The following SYCP2 variants were observed in gnomAD, a reference collection of about 807,000 sequenced individuals.
SYCP2 encodes the protein synaptonemal complex protein 2, also known as synaptonemal complex lateral element protein.
Under a neutral mutation model 211.3 loss-of-function variants are expected in SYCP2, and 55 were observed. The ratio of observed to expected loss-of-function variants is 0.26; its 90% CI spans 0.21 to 0.33. SYCP2 has a LOEUF of 0.33. SYCP2 is among the 10% of genes least tolerant of loss of function. The pLI is 1.00. For synonymous variants in SYCP2, 570 were observed against 555.2 expected, an observed-to-expected ratio of 1.03 and a Z score of -0.37; for missense variants, 1,731 against 1,752.0, an observed-to-expected ratio of 0.99 and a Z score of 0.21.
chr20:59,882,131 T>A lies in SYCP2; in HGVS notation c.2564A>T (p.Lys855Met), dbSNP rs879211369. 6.2e-7 allele frequency: 1 copy of A among 1,613,028 alleles called. No individual in the cohort carries two copies. The change falls in exon 27 of 45, where the codon AAG becomes ATG. Residue 855 changes from lysine to methionine, a missense_variant. Lys to Met is a moderately conservative substitution (Grantham distance 95). This residue lies in a region of SYCP2 where 1,387 missense variants were observed against 1,351.3 expected (regional missense o/e 1.03). Coordinates refer to ENST00000357552, the MANE Select transcript of SYCP2 (RefSeq NM_014258.4). ...KVQKKSYRKL[K>M]TTFVNVTSEC... is the part of the protein sequence containing the mutation. ...AGAAGTAACATTAACAAAGGTAGTCTTCAGTTTTCTGTAGCTTTTTTTCTG... is the reference window on the plus strand; with the variant it reads ...AGAAGTAACATTAACAAAGGTAGTCATCAGTTTTCTGTAGCTTTTTTTCTG...
At position 59,882,107 on chromosome 20, in the gene SYCP2, G is replaced by C. The variant is rs1158871021; in HGVS notation, c.2588C>G (p.Ser863Cys). ...KLKTTFVNVT[S>C]ECPVNDVYNF... is the part of the protein sequence containing the mutation. ...AAAAAATACTTACACTGGGCATTCA[G>C]AAGTAACATTAACAAAGGTAGTCTT... The change falls in exon 27 of 45, where the codon TCT becomes TGT. Residue 863 changes from serine (S) to cysteine (C), a missense_variant. Transcript: ENST00000357552. 1 of 1,612,870 alleles carries C rather than the reference G, an allele frequency of 6.2e-7. No homozygotes were observed. The highest frequency in any genetic ancestry group is 2.2e-5 in the East Asian group (1 of 44,800).
intron 26 of SYCP2, among the ~76,000 whole-genome samples, chr20:59,883,739 T>C (rs1048119898): frequency 1.3e-4 from 19 of 151,952 alleles, no homozygotes; most frequent in African/African-American, 4.6e-4. Context: ...GGATACAAAG[T>C]TGCAGATATG....
chr20:59,915,308 C>G lies in SYCP2; in HGVS notation c.600-109G>C, dbSNP rs145857614. The G allele has an allele frequency of 1.7e-3, 1,726 of 1,041,128 alleles. 25 individuals are homozygous for G. The African/African-American group carries it at 0.025, about 15-fold the overall frequency. 64.5% of individuals were successfully genotyped at this position (1,041,128 alleles called of 1,614,324 possible). ...ACAAAAATTTACAATTGGCTAATATCATCGACTTTTGCAGAAATTATATGC... is the reference window on the plus strand; with the variant it reads ...ACAAAAATTTACAATTGGCTAATATGATCGACTTTTGCAGAAATTATATGC... On this transcript the variant is annotated intron_variant, in intron 9 of 44. Coordinates refer to ENST00000357552, the MANE Select transcript of SYCP2 (RefSeq NM_014258.4).
chr20:59,925,074 C>G (rs1387823930), intron 2 of SYCP2, among the ~76,000 whole-genome samples: 1 of 151,960 alleles, frequency 6.6e-6, no homozygotes, highest in Non-Finnish European at 1.5e-5. Flanking sequence ...TCTTCATGAC[C>G]TGCAATAAGC....
At chr20:59,914,660 A>G (rs1206019824) in intron 10 of SYCP2, among the ~76,000 whole-genome samples, 2 of 152,000 alleles carry the variant, frequency 1.3e-5, no homozygotes, top group Non-Finnish European at 2.9e-5. Flanking sequence ...GTAAATCACC[A>G]TATTAAAATT....
At chr20:59,906,611 G>T (rs2060218198) in intron 15 of SYCP2, among the ~76,000 whole-genome samples, 1 of 152,112 alleles carries the variant, frequency 6.6e-6, no homozygotes, top group Admixed American at 6.5e-5. Context: ...AAAAATAATA[G>T]AACATCTTAG....
Position 59,867,405 on chromosome 20 carries a change from C to T in SYCP2, c.4125+306G>A, listed in dbSNP as rs74874327. Reference sequence around the variant, plus strand: ...ACTATACTATCTTCATTAATGCTCACCTAAATGACATAAAAAATGTCTTGA... The same window carrying T: ...ACTATACTATCTTCATTAATGCTCATCTAAATGACATAAAAAATGTCTTGA... On this transcript the variant is annotated intron_variant, in intron 39 of 44. Coordinates refer to ENST00000357552, the MANE Select transcript of SYCP2 (RefSeq NM_014258.4). Among the ~76,000 whole-genome samples the T allele has an allele frequency of 9.4e-4, 140 of 149,640 alleles. No individual in the cohort carries two copies. The East Asian group carries it at 0.022, about 23-fold the overall frequency.
chr20:59,932,719 T>C (rs1436475324), intron 1 of SYCP2, among the ~76,000 whole-genome samples: 1 of 151,362 alleles, frequency 6.6e-6, no homozygotes, highest in East Asian at 2.0e-4. Context: ...TATTCGCAGA[T>C]GCTCGGCCAG....
chr20:59,898,056 G>A (rs926240926), intron 18 of SYCP2, among the ~76,000 whole-genome samples: 3 of 152,126 alleles, frequency 2.0e-5, no homozygotes, highest in African/African-American at 4.8e-5. Context: ...GGAGGCGGAG[G>A]TTGCAGTGAG....
intron 32 of SYCP2, 36 bp downstream of exon 32, chr20:59,877,966 ATAATTT>A: frequency 6.7e-7 from 1 of 1,497,206 alleles, no homozygotes; most frequent in Non-Finnish European, 9.1e-7. Flanking sequence ...GCAAGAAAAA[ATAATTT>A]TAAAGGGATG....
chr20:59,893,644 C>A, intron 20 of SYCP2, 51 bp from the exon 21 acceptor site: 1 of 1,389,550 alleles, frequency 7.2e-7, no homozygotes. Flanking sequence ...TATATGAAAA[C>A]CTAAATGTTA....
At chr20:59,887,478 A>G (rs1022366667) in intron 24 of SYCP2, among the ~76,000 whole-genome samples, 10 of 152,184 alleles carry the variant, frequency 6.6e-5, no homozygotes, top group Non-Finnish European at 1.5e-4. Context: ...GTGTCTTTAT[A>G]GCAGCATTAT....
Position 59,864,353 on chromosome 20 carries a change from C to T in SYCP2, c.4551G>A (p.Leu1517=). 1.2e-6 allele frequency: 2 copies of T among 1,606,128 alleles called. No homozygotes were observed. The highest frequency in any genetic ancestry group is 1.7e-6 in the Non-Finnish European group (2 of 1,176,368). The change falls in exon 45 of 45, where the codon CTG becomes CTA. Residue 1517 remains leucine (L), a synonymous_variant. Coordinates refer to ENST00000357552, the MANE Select transcript of SYCP2 (RefSeq NM_014258.4). ...EEELLNVRRE[L]MSVFMSHERN... Reference sequence around the variant, plus strand: ...TTTCATGAGACATGAATACTGACATCAGTTCTCTGCGTACATTAAGAAGCT... The same window carrying T: ...TTTCATGAGACATGAATACTGACATTAGTTCTCTGCGTACATTAAGAAGCT...
rs761093734 is a variant in SYCP2 at position 59,868,531 on chromosome 20, T to A, written c.3870A>T (p.Ile1290=). The A allele has an allele frequency of 2.5e-6, 4 of 1,609,546 alleles. No homozygotes were observed. In the South Asian group the frequency reaches 4.4e-5, roughly 18 times the overall value. ...TQHLSRKRIY[I]EDNLSNSNEV... ...CATTGGAATTACTTAGATTATCTTC[T>A]ATATATATTCTTTTGCGACTAAGAT... The change falls in exon 38 of 45, where the codon ATA becomes ATT. Residue 1290 remains isoleucine, a synonymous_variant. Coordinates refer to ENST00000357552, the MANE Select transcript of SYCP2 (RefSeq NM_014258.4).
At chr20:59,924,684 TAA>T (rs1315946504) in intron 2 of SYCP2, among the ~76,000 whole-genome samples, 2 of 148,152 alleles carry the variant, frequency 1.3e-5, no homozygotes, top group African/African-American at 4.8e-5. Flanking sequence ...TATTATATTT[TAA>T]GAGATATACC....
At chr20:59,866,654 T>A in intron 39 of SYCP2, 65 bp from the exon 40 acceptor site, 1 of 1,018,984 alleles carries the variant, frequency 9.8e-7, no homozygotes, top group Non-Finnish European at 1.4e-6. Flanking sequence ...AAGACTACAG[T>A]AACAGCAAAT....
At chr20:59,921,839 G>GA (rs2060547329) in intron 3 of SYCP2, among the ~76,000 whole-genome samples, 1 of 151,082 alleles carries the variant, frequency 6.6e-6, no homozygotes, top group Non-Finnish European at 1.5e-5. Context: ...AAATAGTAAA[G>GA]AAAAAAATAC....
chr20:59,895,315 G>GT (rs2059985983), intron 20 of SYCP2, 122 bp downstream of exon 20: 1 of 740,272 alleles, frequency 1.4e-6, no homozygotes, highest in African/African-American at 1.8e-5. Flanking sequence ...AATATTTAGG[G>GT]GAAAAAAGGT....
intron 31 of SYCP2, among the ~76,000 whole-genome samples, chr20:59,879,702 A>T (rs1316424644): frequency 6.6e-6 from 1 of 150,752 alleles, no homozygotes; most frequent in African/African-American, 2.4e-5. Context: ...TAGACCCAAA[A>T]AAAAAAATCT....
Sources: allele counts gnomAD v4.1 joint callset (sites outside exome capture counted in the v4.1 genomes callset), GRCh38; gene constraint gnomAD v4.1.1; regional missense constraint gnomAD v4.1.1; transcripts MANE v1.5; gene names NCBI Gene and HGNC (gene_info 2026-07-23, HGNC 2026-07-21).